Variants in KALRN observed in about 807,000 individuals in gnomAD.
The protein encoded by KALRN is kalirin.
Under a neutral mutation model 353.7 loss-of-function variants are expected in KALRN, and 70 were observed. That is an observed-to-expected ratio of 0.20 (90% CI 0.16 to 0.24). The LOEUF is 0.24. KALRN is among the 10% of genes least tolerant of loss of function. The probability of loss-of-function intolerance (pLI) is 1.00; values close to 1 mark genes in which losing one functional copy is unlikely to be tolerated. For missense variants in KALRN, 2,791 were observed against 3,756.7 expected (o/e 0.74, Z 6.72); for synonymous variants, 1,391 against 1,434.8 (o/e 0.97, Z 0.69).
intron 57 of KALRN, among the ~76,000 whole-genome samples, chr3:124,703,327 A>C (rs2062436764): frequency 6.6e-6 from 1 of 152,150 alleles, no homozygotes; most frequent in South Asian, 2.1e-4. Context: ...AAATTTATGT[A>C]ATGGTGATGA....
At chr3:124,561,563 A>G (rs913445766) in intron 33 of KALRN, among the ~76,000 whole-genome samples, 1 of 152,178 alleles carries the variant, frequency 6.6e-6, no homozygotes, top group Non-Finnish European at 1.5e-5. Context: ...TTCACTGTGT[A>G]TGCCACTGGG....
intron 48 of KALRN, 136 bp from the exon 49 acceptor site, chr3:124,674,228 C>G (rs2086873885): frequency 1.3e-6 from 1 of 772,412 alleles, no homozygotes; most frequent in African/African-American, 1.8e-5. Flanking sequence ...CATGTCATTA[C>G]TCAAGAGAGA....
At chr3:124,076,051 G>A (rs1377947387) in intron 1 of KALRN, among the ~76,000 whole-genome samples, 4 of 152,244 alleles carry the variant, frequency 2.6e-5, no homozygotes, top group Non-Finnish European at 4.4e-5. Flanking sequence ...CGTGCTTCCT[G>A]CGATGAGGCC....
chr3:124,708,862 C>G (rs1275224527), intron 57 of KALRN, among the ~76,000 whole-genome samples: 1 of 151,716 alleles, frequency 6.6e-6, no homozygotes, highest in Non-Finnish European at 1.5e-5. Context: ...GAAAAAAAAT[C>G]TTGAAAGAAA....
chr3:124,584,969 G>A, intron 34 of KALRN: 1 of 1,543,880 alleles, frequency 6.5e-7, no homozygotes, highest in South Asian at 1.2e-5. Context: ...TCAGCGCGAG[G>A]GAGGGTGGTA....
chr3:124,365,799 C>A (rs534287414), intron 10 of KALRN, among the ~76,000 whole-genome samples: 42 of 152,340 alleles, frequency 2.8e-4, no homozygotes, highest in African/African-American at 9.9e-4. Flanking sequence ...TATGCCATGA[C>A]ACTAAGGCTT....
At chr3:124,436,147 C>T (rs1163739794) in intron 17 of KALRN, among the ~76,000 whole-genome samples, 1 of 152,098 alleles carries the variant, frequency 6.6e-6, no homozygotes, top group Non-Finnish European at 1.5e-5. Flanking sequence ...ACTGAATATC[C>T]ATATGGAAAC....
At chr3:124,465,420 A>C (rs1004767918) in intron 25 of KALRN, among the ~76,000 whole-genome samples, 1 of 152,132 alleles carries the variant, frequency 6.6e-6, no homozygotes, top group African/African-American at 2.4e-5. Flanking sequence ...TAAAATTACT[A>C]TTTGCAGACT....
At position 124,268,837 on chromosome 3, in the gene KALRN, A is replaced by G. The variant is rs2073855110; in HGVS notation, c.551A>G (p.Glu184Gly). The G allele has an allele frequency of 6.2e-7, 1 of 1,613,900 alleles. No homozygotes were observed. The highest frequency in any genetic ancestry group is 1.7e-5 in the Admixed American group (1 of 59,982). The change falls in exon 5 of 60, where the codon GAG becomes GGG. Residue 184 changes from glutamate (E) to glycine (G), a missense_variant. By Grantham distance (98) the Glu-to-Gly change is moderately conservative (BLOSUM62 -2). Coordinates refer to ENST00000682506, the MANE Select transcript of KALRN (RefSeq NM_001388419.1). ...GGCTCCCTGGACTACAACCATGAGG[A>G]GTGGATCGAACTGCGGCTCTCCCTG... ...FDGSLDYNHE[E>G]WIELRLSLEE...
chr3:124,482,696 C>G (rs753654217), intron 27 of KALRN, 112 bp from the exon 28 acceptor site: 2 of 733,178 alleles, frequency 2.7e-6, no homozygotes, highest in Non-Finnish European at 4.9e-6. Flanking sequence ...TCATACTTGT[C>G]TACCTTTTTC....
chr3:124,568,683 C>T (rs1161795432), intron 34 of KALRN, among the ~76,000 whole-genome samples: 2 of 152,180 alleles, frequency 1.3e-5, no homozygotes, highest in Non-Finnish European at 2.9e-5. Context: ...AATTCTAACA[C>T]ATGCCACAAC....
chr3:124,472,211 A>C (rs1249646664), intron 25 of KALRN, among the ~76,000 whole-genome samples: 1 of 152,174 alleles, frequency 6.6e-6, no homozygotes, highest in Non-Finnish European at 1.5e-5. Flanking sequence ...TTTAGACATA[A>C]TTATCATTGT....
At chr3:124,196,742 G>A (rs904844744) in intron 1 of KALRN, among the ~76,000 whole-genome samples, 3 of 152,072 alleles carry the variant, frequency 2.0e-5, no homozygotes, top group African/African-American at 7.2e-5. Context: ...TACATTTCTG[G>A]AAATTACTTT....
chr3:124,436,340 C>A (rs1279777914), intron 17 of KALRN, among the ~76,000 whole-genome samples: 2 of 152,018 alleles, frequency 1.3e-5, no homozygotes, highest in African/African-American at 2.4e-5. Flanking sequence ...TTCTTCTAAT[C>A]CCAAATTGTT....
intron 57 of KALRN, among the ~76,000 whole-genome samples, chr3:124,704,235 C>T (rs1416122619): frequency 6.6e-6 from 1 of 152,052 alleles, no homozygotes; most frequent in Non-Finnish European, 1.5e-5. Flanking sequence ...CGATTAAATC[C>T]CCAGCTAGTT....
chr3:124,286,424 TG>T, intron 5 of KALRN, among the ~76,000 whole-genome samples: 1 of 152,186 alleles, frequency 6.6e-6, no homozygotes, highest in South Asian at 2.1e-4. Context: ...GCTATATTTT[TG>T]TCTTTTTAGT....
chr3:124,064,201 G>T (rs1435516522), intron 1 of KALRN, among the ~76,000 whole-genome samples: 2 of 152,082 alleles, frequency 1.3e-5, no homozygotes, highest in East Asian at 1.9e-4. Flanking sequence ...CCTGCAGTGG[G>T]GTCACCACTG....
At chr3:124,691,033 G>A (rs1204191221) in intron 51 of KALRN, among the ~76,000 whole-genome samples, 1 of 152,196 alleles carries the variant, frequency 6.6e-6, no homozygotes, top group Non-Finnish European at 1.5e-5. Context: ...CCTTGGGCTA[G>A]GGCCCTGAGG....
chr3:124,391,081 A>G (rs1266833551), intron 11 of KALRN, among the ~76,000 whole-genome samples: 1 of 152,220 alleles, frequency 6.6e-6, no homozygotes, highest in Non-Finnish European at 1.5e-5. Context: ...TTTGGCCACA[A>G]CTACATGTGT....
Sources: allele counts gnomAD v4.1 joint callset (sites outside exome capture counted in the v4.1 genomes callset), GRCh38; gene constraint gnomAD v4.1.1; transcripts MANE v1.5; gene names NCBI Gene and HGNC (gene_info 2026-07-23, HGNC 2026-07-21).